Variants in CAMK2B observed in about 807,000 individuals in gnomAD.
CAMK2B encodes calcium/calmodulin dependent protein kinase II beta.
In CAMK2B, 27 loss-of-function variants were observed where a neutral mutation model predicts 93.7. The observed-to-expected ratio is 0.29, with a 90% CI of 0.21 to 0.40. CAMK2B has a LOEUF of 0.40. Among genes scored for constraint, CAMK2B ranks in the 10% least tolerant of loss-of-function variants. CAMK2B has a pLI of 1.00. For missense variants in CAMK2B, 568 were observed against 895.8 expected, an observed-to-expected ratio of 0.63 and a Z score of 4.67; for synonymous variants, 374 against 358.8, an observed-to-expected ratio of 1.04 and a Z score of -0.48.
chr7:44,284,478 C>T lies in CAMK2B; in HGVS notation c.66-253G>A, dbSNP rs561131506. Among the ~76,000 whole-genome samples, 28 of 152,360 alleles carry T rather than the reference C, an allele frequency of 1.8e-4. No homozygotes were observed. The East Asian group carries it at 1.9e-3, about 10-fold the overall frequency. ...GCTGGCAGAGCCCTGGCAGATGGCA[C>T]GCCCTGGGGGGCTGTGCAGAGAAGA... On this transcript the variant is annotated intron_variant, in intron 1 of 23. Transcript: ENST00000395749.
At position 44,219,354 on chromosome 7, in the gene CAMK2B, T is replaced by TG. The variant is rs1562756329; in HGVS notation, c.*170_*171insC. ...TGTCGTCGTCATCTTGTTTTTTTTT[T>TG]TTTTTTTTTTGTTTTTTTTTAACAA... On this transcript the variant is annotated 3_prime_UTR_variant, in exon 24 of 24. Transcript: ENST00000395749. 7.4e-6 allele frequency: 1 copy of TG among 134,492 alleles called. No individual in the cohort carries two copies. The highest frequency in any genetic ancestry group is 2.7e-4 in the South Asian group (1 of 3,674). 8.3% of individuals were successfully genotyped at this position (134,492 alleles called of 1,614,324 possible). A position where few individuals can be genotyped will look rare whatever the true frequency, so the allele number is the denominator to read the frequency against.
At chr7:44,246,918 T>C (rs906679439) in intron 6 of CAMK2B, among the ~76,000 whole-genome samples, 1 of 151,096 alleles carries the variant, frequency 6.6e-6, no homozygotes, top group African/African-American at 2.4e-5. Context: ...ATGCACACCA[T>C]CCACACAGGA....
chr7:44,258,801 G>A, intron 4 of CAMK2B, 71 bp downstream of exon 4: 2 of 1,376,474 alleles, frequency 1.5e-6, no homozygotes, highest in South Asian at 2.4e-5. Context: ...TGGGGCTGGG[G>A]AGGCTGCAGA....
intron 5 of CAMK2B, 136 bp downstream of exon 5, chr7:44,254,406 C>A: frequency 1.5e-6 from 1 of 669,858 alleles, no homozygotes; most frequent in Non-Finnish European, 2.7e-6. Context: ...GCTTCATGCC[C>A]ATCGCTCTGG....
intron 1 of CAMK2B, among the ~76,000 whole-genome samples, chr7:44,288,572 G>A: frequency 6.6e-6 from 1 of 152,196 alleles, no homozygotes; most frequent in African/African-American, 2.4e-5. Context: ...TGAATAACCT[G>A]TTCAGATCAT....
At position 44,284,191 on chromosome 7, in the gene CAMK2B, G is replaced by A. The variant is rs921406995; in HGVS notation, c.100C>T (p.Leu34Phe). 1.9e-6 allele frequency: 3 copies of A among 1,613,668 alleles called. No individual in the cohort carries two copies. Among genetic ancestry groups the A allele is most frequent in the Non-Finnish European group, 2.5e-6 (3 of 1,179,918 alleles). ...GCTGCATACTCATGGCCGGTGCAGA[G>A]CTTGACACAGCGTCGGACCACAGAG... is the stretch of plus-strand genomic sequence containing the variant. ...AFSVVRRCVK[L>F]CTGHEYAAKI... is the part of the protein sequence containing the mutation. Residue 34 changes from leucine (L) to phenylalanine (F), a missense_variant, in exon 2 of 24, where the codon CTC (leucine) becomes TTC (phenylalanine). Leu to Phe is a conservative substitution (Grantham distance 22). Around this residue, in one of 4 missense-constraint regions of CAMK2B, gnomAD observed 39 missense variants for 43.4 expected, o/e 0.90. Transcript: ENST00000395749.
intron 5 of CAMK2B, among the ~76,000 whole-genome samples, chr7:44,252,462 G>A (rs2096789505): frequency 6.6e-6 from 1 of 151,218 alleles, no homozygotes; most frequent in African/African-American, 2.4e-5. Flanking sequence ...AGCACAGAGG[G>A]GCAGGGGAGA....
chr7:44,276,723 G>A (rs565968597), intron 2 of CAMK2B, among the ~76,000 whole-genome samples: 102 of 152,200 alleles, frequency 6.7e-4, no homozygotes, highest in Non-Finnish European at 1.0e-3. Flanking sequence ...CTCGGGCCTG[G>A]GAGGTGAGCC....
Position 44,268,261 on chromosome 7 carries a change from A to G in CAMK2B, c.161-5197T>C, listed in dbSNP as rs993201209. ...GCGCAGGGGCTCTCTGTGATATGCC[A>G]TTTGGTCTGCCTTCCCTGCTGCTCT... is the stretch of plus-strand genomic sequence containing the variant. On this transcript the variant is annotated intron_variant, in intron 2 of 23. Transcript: ENST00000395749. 3 of 152,628 alleles carry G rather than the reference A, an allele frequency of 2.0e-5. No homozygotes were observed. In the East Asian group the frequency reaches 5.8e-4, roughly 29 times the overall value. 9.5% of individuals were successfully genotyped at this position (152,628 alleles called of 1,614,324 possible). A position where few individuals can be genotyped will look rare whatever the true frequency, so the allele number is the denominator to read the frequency against.
In CAMK2B at chr7:44,242,336, G is replaced by A. The variant is rs373043381; in HGVS notation, c.701C>T (p.Pro234Leu). 5 of 1,613,152 alleles carry A rather than the reference G, an allele frequency of 3.1e-6. No individual in the cohort carries two copies. The highest frequency in any genetic ancestry group is 1.3e-5 in the African/African-American group (1 of 74,886). Residue 234 changes from proline (P) to leucine (L), a missense_variant, in exon 10 of 24, where the codon CCG becomes CTG. Transcript: ENST00000395749. Reference sequence around the variant, plus strand: ...AGTGACGGTGTCCCACTCAGGGGACGGGAACTGCAGAAGGAAACAGCGCCC... The same window carrying A: ...AGTGACGGTGTCCCACTCAGGGGACAGGAACTGCAGAAGGAAACAGCGCCC... ...QQIKAGAYDF[P>L]SPEWDTVTPE... is the part of the protein sequence containing the mutation.
chr7:44,283,553 C>T (rs1025374333), intron 2 of CAMK2B, among the ~76,000 whole-genome samples: 2 of 152,234 alleles, frequency 1.3e-5, no homozygotes, highest in African/African-American at 4.8e-5. Context: ...GAGTGCCCTG[C>T]CACTATGTAG....
chr7:44,247,394 C>T (rs2096742104), intron 5 of CAMK2B, among the ~76,000 whole-genome samples: 1 of 152,234 alleles, frequency 6.6e-6, no homozygotes, highest in Non-Finnish European at 1.5e-5. Context: ...CCTGGCCCTG[C>T]CTTCCCCTCT....
At chr7:44,317,497 G>A (rs986193437) in intron 1 of CAMK2B, among the ~76,000 whole-genome samples, 6 of 152,070 alleles carry the variant, frequency 3.9e-5, no homozygotes, top group East Asian at 1.9e-4. Flanking sequence ...TGTTGCCCAC[G>A]GTCTCTAACT....
chr7:44,325,553 G>T lies in CAMK2B; in HGVS notation c.-132C>A. The T allele has an allele frequency of 3.0e-6, 1 of 334,596 alleles. No individual in the cohort carries two copies. Among genetic ancestry groups the T allele is most frequent in the Non-Finnish European group, 4.2e-6 (1 of 237,438 alleles). The allele number at this position is 334,596 out of a possible 1,614,324, so 20.7% of individuals were successfully genotyped here. The stretch of plus-strand genomic sequence containing the variant: ...CCTCGGCTCGCGGCGCCAGGCGGGG[G>T]CCGGGCTGGGCTGCGCCGGGCGGCG... On this transcript the variant is annotated 5_prime_UTR_variant, in exon 1 of 24. Coordinates refer to ENST00000395749, the MANE Select transcript of CAMK2B (RefSeq NM_001220.5).
intron 1 of CAMK2B, among the ~76,000 whole-genome samples, chr7:44,287,216 C>T (rs1376595541): frequency 6.9e-6 from 1 of 145,736 alleles, no homozygotes; most frequent in African/African-American, 2.5e-5. Context: ...CACTGAAGCC[C>T]CAAACCTTCT....
intron 13 of CAMK2B, among the ~76,000 whole-genome samples, chr7:44,235,097 C>T (rs2075075): frequency 0.047 from 7,118 of 152,308 alleles, 207 homozygotes; most frequent in South Asian, 0.08. Flanking sequence ...TCATGCCCTC[C>T]CGGGCCCTGC....
In CAMK2B at chr7:44,234,738, C is replaced by T; in HGVS notation, c.1022-62G>A. On this transcript the variant is annotated intron_variant, in intron 13 of 23. Coordinates refer to ENST00000395749, the MANE Select transcript of CAMK2B (RefSeq NM_001220.5). The stretch of plus-strand genomic sequence containing the variant: ...GGGCCTGGGTCTCGCTGCAGCGCAA[C>T]CCCACCCCTTTGCCTGACCCCACTC... 3.9e-6 allele frequency: 6 copies of T among 1,554,836 alleles called. No homozygotes were observed. The South Asian group carries it at 4.5e-5, about 12-fold the overall frequency.
At chr7:44,272,494 A>C (rs2096984265) in intron 2 of CAMK2B, among the ~76,000 whole-genome samples, 1 of 152,172 alleles carries the variant, frequency 6.6e-6, no homozygotes, top group Non-Finnish European at 1.5e-5. Context: ...TTAAAAGGCA[A>C]CACGACAACC....
chr7:44,260,153 C>T lies in CAMK2B; in HGVS notation c.221-1227G>A, dbSNP rs537888201. Among the ~76,000 whole-genome samples the T allele has an allele frequency of 1.6e-3, 245 of 152,326 alleles. 2 individuals are homozygous for T. Among genetic ancestry groups the T allele is most frequent in the South Asian group, 0.011 (54 of 4,828 alleles). Reference sequence around the variant, plus strand: ...ACGCTGAATGGGTAAGACAGTAAGACGTAGCCACCTTCTCCTAGGTTCGCA... The same window carrying T: ...ACGCTGAATGGGTAAGACAGTAAGATGTAGCCACCTTCTCCTAGGTTCGCA... On this transcript the variant is annotated intron_variant, in intron 3 of 23. Coordinates refer to ENST00000395749, the MANE Select transcript of CAMK2B (RefSeq NM_001220.5).
Sources: allele counts gnomAD v4.1 joint callset (sites outside exome capture counted in the v4.1 genomes callset), GRCh38; gene constraint gnomAD v4.1.1; regional missense constraint gnomAD v4.1.1; transcripts MANE v1.5; gene names NCBI Gene and HGNC (gene_info 2026-07-23, HGNC 2026-07-21).